Variants in PLLP observed in about 807,000 individuals in gnomAD.
The protein encoded by PLLP is plasma membrane proteolipid (plasmolipin).
PLLP carries 15 observed loss-of-function variants against 19.7 expected under a neutral mutation model. The observed-to-expected ratio is 0.76, with a 90% CI of 0.51 to 1.17. PLLP has a LOEUF of 1.17. Among genes scored for constraint, PLLP ranks in the 50% most tolerant of loss-of-function variants. The pLI is 0.00. For missense variants in PLLP, 255 were observed against 258.3 expected (o/e 0.99, Z 0.09); for synonymous variants, 111 against 116.3 (o/e 0.95, Z 0.29).
At chr16:57,272,635 G>A (rs2075479457) in intron 1 of PLLP, among the ~76,000 whole-genome samples, 1 of 152,160 alleles carries the variant, frequency 6.6e-6, no homozygotes, top group Non-Finnish European at 1.5e-5. Flanking sequence ...CCTTGAGCAA[G>A]ACTTGTCTGT....
At position 57,270,571 on chromosome 16, in the gene PLLP, C is replaced by G. The variant is rs72778737; in HGVS notation, c.136-8501G>C. Among the ~76,000 whole-genome samples the G allele has an allele frequency of 3.9e-3, 595 of 152,152 alleles. 2 individuals carry two copies. Among genetic ancestry groups the G allele is most frequent in the Non-Finnish European group, 6.0e-3 (408 of 68,006 alleles). ...CCTGGCCAGGCTCGGTCCCCACCCC[C>G]GCTCTGGCCCTTCTCCCTACAGTGA... is the stretch of plus-strand genomic sequence containing the variant. On this transcript the variant is annotated intron_variant, in intron 1 of 3. Coordinates refer to ENST00000219207, the MANE Select transcript of PLLP (RefSeq NM_015993.3).
rs1481340492 is a variant in PLLP at position 57,261,203 on chromosome 16, C to T, written c.309+694G>A. Among the ~76,000 whole-genome samples, 5 of 152,048 alleles carry T rather than the reference C, an allele frequency of 3.3e-5. No homozygotes were observed. The East Asian group carries it at 7.7e-4, about 23-fold the overall frequency. ...TATTTTTTGTAGAGACAGGGTTTCA[C>T]CATATTGGTCAGGCTGGTCTCAAAC... On this transcript the variant is annotated intron_variant, in intron 2 of 3. Transcript: ENST00000219207.
rs185514352 is a variant in PLLP at position 57,257,489 on chromosome 16, C to T, written c.433-460G>A. 2.0e-5 allele frequency among the ~76,000 whole-genome samples: 3 copies of T among 152,346 alleles called. No individual in the cohort carries two copies. In the East Asian group the frequency reaches 5.8e-4, roughly 29 times the overall value. On this transcript the variant is annotated intron_variant, in intron 3 of 3. Transcript: ENST00000219207. ...ATCAGGAAGAGTAAGGAACCAAATG[C>T]GTGCCCATTGAGGCCCTGCCCTCCC...
intron 1 of PLLP, among the ~76,000 whole-genome samples, chr16:57,282,988 A>G (rs1901237428): frequency 6.6e-6 from 1 of 152,140 alleles, no homozygotes; most frequent in African/African-American, 2.4e-5. Context: ...ACCAGCCCAG[A>G]GCAGAGCATT....
intron 1 of PLLP, among the ~76,000 whole-genome samples, chr16:57,267,888 A>AG (rs1483854137): frequency 6.6e-6 from 1 of 151,304 alleles, no homozygotes; most frequent in South Asian, 2.1e-4. Flanking sequence ...AAAAAAAAAA[A>AG]AAAGAAAGAA....
intron 1 of PLLP, among the ~76,000 whole-genome samples, chr16:57,280,161 C>T (rs1423654521): frequency 6.6e-6 from 1 of 152,170 alleles, no homozygotes; most frequent in Non-Finnish European, 1.5e-5. Context: ...CTAGAACTTC[C>T]CACCCCCAAA....
chr16:57,283,060 A>C (rs1393491133), intron 1 of PLLP, among the ~76,000 whole-genome samples: 1 of 151,948 alleles, frequency 6.6e-6, no homozygotes, highest in Non-Finnish European at 1.5e-5. Context: ...CAGGAACTAG[A>C]CCTCTTCCCT....
intron 1 of PLLP, among the ~76,000 whole-genome samples, chr16:57,267,597 G>A (rs2075461566): frequency 6.6e-6 from 1 of 151,372 alleles, no homozygotes; most frequent in Admixed American, 6.6e-5. Flanking sequence ...ACAAAACAAG[G>A]CCTGGCATGG....
chr16:57,276,039 C>T (rs1407243546), intron 1 of PLLP, among the ~76,000 whole-genome samples: 13 of 152,136 alleles, frequency 8.5e-5, no homozygotes, highest in African/African-American at 2.4e-5. Context: ...GCCCTGGAGG[C>T]GGAGGTTGCA....
intron 3 of PLLP, 91 bp downstream of exon 3, chr16:57,258,371 G>A (rs2075432167): frequency 7.4e-7 from 1 of 1,350,498 alleles, no homozygotes; most frequent in Non-Finnish European, 1.0e-6. Context: ...CTCAGGAGGT[G>A]GCAGGTGCCT....
Position 57,256,842 on chromosome 16 carries a change from G to T in PLLP, c.*71C>A. ...TCCACGCAGGGCTCCCCAGCTTCAGGCTTGCAGGGTGACCCTGCTCTGTGA... is the reference window on the plus strand; with the variant it reads ...TCCACGCAGGGCTCCCCAGCTTCAGTCTTGCAGGGTGACCCTGCTCTGTGA... On this transcript the variant is annotated 3_prime_UTR_variant, in exon 4 of 4. Transcript: ENST00000219207. The T allele has an allele frequency of 1.9e-6, 2 of 1,032,612 alleles. No homozygotes were observed. Among genetic ancestry groups the T allele is most frequent in the Non-Finnish European group, 1.5e-6 (1 of 665,650 alleles). 64.0% of individuals were successfully genotyped at this position (1,032,612 alleles called of 1,614,324 possible).
At chr16:57,271,790 C>T (rs967500616) in intron 1 of PLLP, among the ~76,000 whole-genome samples, 31 of 152,192 alleles carry the variant, frequency 2.0e-4, no homozygotes, top group Admixed American at 7.9e-4. Flanking sequence ...TGTGTGAAGG[C>T]GGGTAGGGGC....
rs1239798195 is a variant in PLLP, at chr16:57,256,714, C to G, written c.*199G>C. On this transcript the variant is annotated 3_prime_UTR_variant, in exon 4 of 4. Transcript: ENST00000219207. ...AGAAGAGGTCTCAGCAGTTGGCCTC[C>G]TGCAAGCCGAGATGCCTGCCAGCCT... 1 of 564,504 alleles carries G rather than the reference C, an allele frequency of 1.8e-6. No homozygotes were observed. Among genetic ancestry groups the G allele is most frequent in the African/African-American group, 1.9e-5 (1 of 53,114 alleles). 35.0% of individuals were successfully genotyped at this position (564,504 alleles called of 1,614,324 possible). A position where few individuals can be genotyped will look rare whatever the true frequency, so the allele number is the denominator to read the frequency against.
intron 2 of PLLP, among the ~76,000 whole-genome samples, chr16:57,260,421 C>T (rs543713479): frequency 1.3e-5 from 2 of 152,228 alleles, no homozygotes; most frequent in Admixed American, 6.5e-5. Context: ...ACCCTGAGCC[C>T]GGAAGTCAAG....
chr16:57,267,892 G>A (rs1307842244), intron 1 of PLLP, among the ~76,000 whole-genome samples: 1 of 142,462 alleles, frequency 7.0e-6, no homozygotes. Context: ...AAAAAAAAAA[G>A]AAAGAAAGAA....
chr16:57,272,299 T>C (rs1418895773), intron 1 of PLLP, among the ~76,000 whole-genome samples: 1 of 152,176 alleles, frequency 6.6e-6, no homozygotes, highest in African/African-American at 2.4e-5. Flanking sequence ...GTGGGGACAT[T>C]CCCCTGGAGA....
rs1183830359 is a variant in PLLP, at chr16:57,284,657, C to T, written c.-117G>A. ...CTCCGGATCCCTGTGTGGCTCCAGG[C>T]GCTGCAGGAGGCGTCGGGGCTGGGA... On this transcript the variant is annotated 5_prime_UTR_variant, in exon 1 of 4. Transcript: ENST00000219207. 2 of 1,062,534 alleles carry T rather than the reference C, an allele frequency of 1.9e-6. No homozygotes were observed. Among genetic ancestry groups the T allele is most frequent in the Non-Finnish European group, 2.4e-6 (2 of 828,444 alleles). 65.8% of individuals were successfully genotyped at this position (1,062,534 alleles called of 1,614,324 possible).
At chr16:57,262,739 T>C (rs1457334099) in intron 1 of PLLP, among the ~76,000 whole-genome samples, 1 of 151,714 alleles carries the variant, frequency 6.6e-6, no homozygotes, top group African/African-American at 2.4e-5. Context: ...TCTCAAAAAA[T>C]AGAAAAAAAT....
intron 1 of PLLP, among the ~76,000 whole-genome samples, chr16:57,264,882 A>T (rs1156931412): frequency 2.7e-5 from 4 of 150,694 alleles, no homozygotes; most frequent in African/African-American, 7.5e-5. Flanking sequence ...AAAATTAAGT[A>T]AAGTTAAAAT....
Sources: allele counts gnomAD v4.1 joint callset (sites outside exome capture counted in the v4.1 genomes callset), GRCh38; gene constraint gnomAD v4.1.1; transcripts MANE v1.5; gene names NCBI Gene and HGNC (gene_info 2026-07-23, HGNC 2026-07-21).